AHCYL2: variants seen among roughly 807,000 people sequenced by gnomAD.
AHCYL2 encodes S-adenosylhomocysteine hydrolase-like protein 2.
AHCYL2 carries 28 observed loss-of-function variants against 81.4 expected under a neutral mutation model. That is an observed-to-expected ratio of 0.34 (90% CI 0.25 to 0.47). The LOEUF (loss-of-function observed/expected upper bound fraction) is 0.47, where lower values mean the gene tolerates loss of function less well. Ranked by LOEUF, AHCYL2 falls within the 20% of genes least tolerant of loss-of-function variation. AHCYL2 has a pLI of 1.00. For missense variants in AHCYL2, 551 were observed against 785.1 expected, an observed-to-expected ratio of 0.70 and a Z score of 3.56; for synonymous variants, 272 against 290.2, an observed-to-expected ratio of 0.94 and a Z score of 0.64.
intron 4 of AHCYL2, among the ~76,000 whole-genome samples, chr7:129,393,226 A>G (rs1295244140): frequency 6.6e-6 from 1 of 152,174 alleles, no homozygotes; most frequent in Non-Finnish European, 1.5e-5. Flanking sequence ...AGACTAGCCT[A>G]GGCAACATGG....
intron 1 of AHCYL2, among the ~76,000 whole-genome samples, chr7:129,313,237 A>G (rs528707444): frequency 6.6e-6 from 1 of 152,362 alleles, no homozygotes; most frequent in African/African-American, 2.4e-5. Context: ...AAATTGAAGA[A>G]AATCTCATGT....
At chr7:129,278,807 G>A (rs1301021376) in intron 1 of AHCYL2, among the ~76,000 whole-genome samples, 1 of 131,860 alleles carries the variant, frequency 7.6e-6, no homozygotes, top group East Asian at 2.1e-4. Context: ...AATTGTTGCA[G>A]TATCATTTGT....
At chr7:129,354,287 G>A (rs1793665060) in intron 1 of AHCYL2, among the ~76,000 whole-genome samples, 1 of 152,174 alleles carries the variant, frequency 6.6e-6, no homozygotes, top group Non-Finnish European at 1.5e-5. Flanking sequence ...TGGATGTGGG[G>A]AAGTTTATAG....
intron 1 of AHCYL2, among the ~76,000 whole-genome samples, chr7:129,242,490 G>A (rs1421608794): frequency 6.6e-6 from 1 of 152,114 alleles, no homozygotes; most frequent in Non-Finnish European, 1.5e-5. Flanking sequence ...GGCCAAGGGG[G>A]GCGGATCACG....
chr7:129,424,860 C>T lies in AHCYL2; in HGVS notation c.1561-14C>T, dbSNP rs1797286107. The T allele has an allele frequency of 3.7e-6, 6 of 1,612,380 alleles. No individual in the cohort carries two copies. Among genetic ancestry groups the T allele is most frequent in the Non-Finnish European group, 5.1e-6 (6 of 1,179,946 alleles). On this transcript the variant is annotated splice_polypyrimidine_tract_variant and intron_variant, in intron 13 of 16. Transcript: ENST00000325006. ...TTGTCCTAATCCATTTGTGTCTTCA[C>T]CTTTGATCACTAGGGCCGCCTGCTG...
At chr7:129,321,743 G>GTTTTTTTTTTTTTTTTTTTTTTTCTTTTT in intron 1 of AHCYL2, among the ~76,000 whole-genome samples, 2 of 77,626 alleles carry the variant, frequency 2.6e-5, no homozygotes, top group Non-Finnish European at 5.0e-5. Flanking sequence ...TTCTTTCTTT[G>GTTTTTTTTTTTTTTTTTTTTTTTCTTTTT]TTTTTTTTTT....
intron 1 of AHCYL2, among the ~76,000 whole-genome samples, chr7:129,245,936 C>T (rs1795039803): frequency 6.6e-6 from 1 of 152,200 alleles, no homozygotes; most frequent in African/African-American, 2.4e-5. Flanking sequence ...TACCGTTTTC[C>T]ATAGCAACTG....
chr7:129,320,967 A>G (rs766289962), intron 1 of AHCYL2, among the ~76,000 whole-genome samples: 3 of 152,202 alleles, frequency 2.0e-5, no homozygotes, highest in Admixed American at 6.5e-5. Flanking sequence ...GTATGGATAT[A>G]CATTTTGTTT....
intron 1 of AHCYL2, among the ~76,000 whole-genome samples, chr7:129,322,501 A>G (rs1304752211): frequency 2.0e-5 from 3 of 152,246 alleles, no homozygotes. Flanking sequence ...CTATATTTAT[A>G]GAGCTATTTA....
At chr7:129,273,568 T>C (rs1398173045) in intron 1 of AHCYL2, among the ~76,000 whole-genome samples, 1 of 151,736 alleles carries the variant, frequency 6.6e-6, no homozygotes, top group Non-Finnish European at 1.5e-5. Flanking sequence ...CCTCAGGTGA[T>C]CCGCCCACCT....
At chr7:129,347,226 G>T (rs936210772) in intron 1 of AHCYL2, among the ~76,000 whole-genome samples, 4 of 152,088 alleles carry the variant, frequency 2.6e-5, no homozygotes, top group African/African-American at 9.7e-5. Flanking sequence ...TTATACATTT[G>T]TCTAAACTCA....
At chr7:129,294,129 T>A (rs1480932924) in intron 1 of AHCYL2, among the ~76,000 whole-genome samples, 1 of 152,240 alleles carries the variant, frequency 6.6e-6, no homozygotes, top group Non-Finnish European at 1.5e-5. Flanking sequence ...TAGCTGGCAT[T>A]TAAATATATG....
chr7:129,262,527 G>A (rs572797099), intron 1 of AHCYL2, among the ~76,000 whole-genome samples: 15 of 152,354 alleles, frequency 9.8e-5, no homozygotes, highest in African/African-American at 3.6e-4. Context: ...TCCGTGGTTG[G>A]TGGTCTCCTA....
intron 1 of AHCYL2, among the ~76,000 whole-genome samples, chr7:129,297,533 A>G (rs1427309678): frequency 6.6e-6 from 1 of 152,144 alleles, no homozygotes; most frequent in Non-Finnish European, 1.5e-5. Context: ...CCTTCCTCCT[A>G]TAGACTGCTA....
At chr7:129,357,444 T>C (rs540557365) in intron 1 of AHCYL2, among the ~76,000 whole-genome samples, 1 of 152,308 alleles carries the variant, frequency 6.6e-6, no homozygotes, top group Non-Finnish European at 1.5e-5. Context: ...ATGTTTTTTA[T>C]TAATAAGAGT....
intron 1 of AHCYL2, chr7:129,283,288 A>G (rs1041606832): frequency 1.1e-5 from 5 of 450,964 alleles, no homozygotes; most frequent in Middle Eastern, 3.3e-4. Context: ...GGCAGTAAGC[A>G]GAAGCATTCA....
At chr7:129,359,553 A>G (rs1379075530) in intron 1 of AHCYL2, among the ~76,000 whole-genome samples, 1 of 152,262 alleles carries the variant, frequency 6.6e-6, no homozygotes, top group Non-Finnish European at 1.5e-5. Context: ...CACATTCTAC[A>G]TTCATTTAAT....
At chr7:129,268,672 G>A (rs1014514386) in intron 1 of AHCYL2, among the ~76,000 whole-genome samples, 3 of 152,154 alleles carry the variant, frequency 2.0e-5, no homozygotes, top group Non-Finnish European at 4.4e-5. Flanking sequence ...TCTTGGGAAC[G>A]ACATTAATGC....
chr7:129,340,460 C>T lies in AHCYL2; in HGVS notation c.364-39178C>T, dbSNP rs192179171. Among the ~76,000 whole-genome samples the T allele has an allele frequency of 3.4e-3, 510 of 150,960 alleles. 1 individual carries two copies. Among genetic ancestry groups the T allele is most frequent in the African/African-American group, 0.012 (493 of 41,252 alleles). ...GCAGTTGCCTATAGTCCCAGCTACT[C>T]CGGAGGCTGAGGCAGGAGAATGGCG... On this transcript the variant is annotated intron_variant, in intron 1 of 16. Coordinates refer to ENST00000325006, the MANE Select transcript of AHCYL2 (RefSeq NM_015328.4).
Sources: gnomAD v4.1 joint callset for allele counts (sites outside exome capture counted in the v4.1 genomes callset) on GRCh38, gnomAD v4.1.1 for gene constraint, MANE v1.5 for transcripts, NCBI Gene and HGNC (gene_info 2026-07-23, HGNC 2026-07-21) for gene names.